The following PPP1R8 variants were observed in gnomAD, a reference collection of about 807,000 sequenced individuals.
PPP1R8 encodes nuclear inhibitor of protein phosphatase 1.
PPP1R8 carries 4 observed loss-of-function variants against 31.3 expected under a neutral mutation model. That is an observed-to-expected ratio of 0.13 (90% CI 0.06 to 0.29). The LOEUF is 0.29. Ranked by LOEUF, PPP1R8 falls within the 10% of genes least tolerant of loss-of-function variation. The pLI is 1.00. For synonymous variants in PPP1R8, 170 were observed against 169.7 expected (o/e 1.00, Z -0.01); for missense variants, 254 against 440.1 (o/e 0.58, Z 3.78).
At position 27,847,080 on chromosome 1, in the gene PPP1R8, G is replaced by A. The variant is rs1391412829; in HGVS notation, c.690G>A (p.Val230=). 2 of 1,613,942 alleles carry A rather than the reference G, an allele frequency of 1.2e-6. No homozygotes were observed. The highest frequency in any genetic ancestry group is 1.7e-6 in the Non-Finnish European group (2 of 1,179,838). ...TCAGGAACATGGTGCAAACTGCAGT[G>A]GTCCCAGTCAAGGTAGGAAGCACAT... The part of the protein sequence containing the change: ...GRFRNMVQTA[V]VPVKKKRVEG... The change falls in exon 6 of 7, where the codon GTG becomes GTA. Residue 230 remains valine (V), a synonymous_variant. Transcript: ENST00000311772.
Position 27,841,165 on chromosome 1 carries a change from G to C in PPP1R8, c.423G>C (p.Glu141Asp). ...TGCCATCGGCTGTGAAAGGAGATGA[G>C]AAGATGGGTGGAGAGGATGATGAAC... ...QTLPSAVKGD[E>D]KMGGEDDELK... is the part of the protein sequence containing the mutation. Residue 141 changes from glutamate to aspartate, a missense_variant, in exon 4 of 7, where the codon GAG becomes GAC. By Grantham distance (45) the Glu-to-Asp change is conservative. Transcript: ENST00000311772. The C allele has an allele frequency of 6.2e-7, 1 of 1,614,232 alleles. No individual in the cohort carries two copies. Among genetic ancestry groups the C allele is most frequent in the East Asian group, 2.2e-5 (1 of 44,884 alleles).
In PPP1R8 at chr1:27,850,756, G is replaced by C. The variant is rs1189681366; in HGVS notation, c.*310G>C. 1 of 263,898 alleles carries C rather than the reference G, an allele frequency of 3.8e-6. No homozygotes were observed. The highest frequency in any genetic ancestry group is 7.2e-6 in the Non-Finnish European group (1 of 137,966). The allele number at this position is 263,898 out of a possible 1,614,324, so 16.3% of individuals were successfully genotyped here. A position where few individuals can be genotyped will look rare whatever the true frequency, so the allele number is the denominator to read the frequency against. On this transcript the variant is annotated 3_prime_UTR_variant, in exon 7 of 7. Transcript: ENST00000311772. ...CTTTCTAGGATCATTTTTATGTAAA[G>C]TCACATATCCCAGGCCCTCAGGTTG...
chr1:27,839,779 C>T (rs2089205234), intron 3 of PPP1R8, among the ~76,000 whole-genome samples: 2 of 152,082 alleles, frequency 1.3e-5, no homozygotes, highest in African/African-American at 2.4e-5. Flanking sequence ...ATAAGCAAGG[C>T]CAGGCATGGT....
At chr1:27,844,871 C>A (rs1254047272) in intron 5 of PPP1R8, among the ~76,000 whole-genome samples, 1 of 141,126 alleles carries the variant, frequency 7.1e-6, no homozygotes, top group East Asian at 2.1e-4. Flanking sequence ...GCGCCCGCCA[C>A]CATGCCCGAC....
chr1:27,850,182 CGGGGGCCTG>C lies in PPP1R8; in HGVS notation c.793_801del (p.Gly265_Leu267del). ...ACTTTGCCTTCAGCGGAGGACTCTA[CGGGGGCCTG>C]CCCCCCACACACAGTGAAGCAGGCT... On this transcript the variant is annotated inframe_deletion, in exon 7 of 7. Transcript: ENST00000311772. 1 of 1,614,130 alleles carries C rather than the reference CGGGGGCCTG, an allele frequency of 6.2e-7. No individual in the cohort carries two copies. Among genetic ancestry groups the C allele is most frequent in the Non-Finnish European group, 8.5e-7 (1 of 1,180,002 alleles).
rs1402783026 is a variant in PPP1R8 at position 27,847,105 on chromosome 1, T to A, written c.702+13T>A. On this transcript the variant is annotated intron_variant, in intron 6 of 6. Coordinates refer to ENST00000311772, the MANE Select transcript of PPP1R8 (RefSeq NM_014110.5). ...GGTCCCAGTCAAGGTAGGAAGCACATGAAATGCCATACAGTCTGTGTTTTA... is the reference window on the plus strand; with the variant it reads ...GGTCCCAGTCAAGGTAGGAAGCACAAGAAATGCCATACAGTCTGTGTTTTA... 6.2e-7 allele frequency: 1 copy of A among 1,611,668 alleles called. No homozygotes were observed. The highest frequency in any genetic ancestry group is 8.5e-7 in the Non-Finnish European group (1 of 1,178,020).
chr1:27,850,478 G>GGTGTTT lies in PPP1R8; in HGVS notation c.*32_*33insGTGTTT. The GGTGTTT allele has an allele frequency of 1.5e-6, 2 of 1,338,798 alleles. No homozygotes were observed. The highest frequency in any genetic ancestry group is 4.7e-5 in the East Asian group (2 of 42,184). The allele number at this position is 1,338,798 out of a possible 1,614,324, so 82.9% of individuals were successfully genotyped here. A position where few individuals can be genotyped will look rare whatever the true frequency, so the allele number is the denominator to read the frequency against. On this transcript the variant is annotated 3_prime_UTR_variant, in exon 7 of 7. Coordinates refer to ENST00000311772, the MANE Select transcript of PPP1R8 (RefSeq NM_014110.5). ...TGGTCATGGAGAAGGGTGGGATTGG[G>GGTGTTT]TGGGAATGGGGTGGAAGGGTGATGG...
Position 27,845,336 on chromosome 1 carries a change from G to A in PPP1R8, c.638-1692G>A, listed in dbSNP as rs184953275. Reference sequence around the variant, plus strand: ...ACCCAGGAGGCGGAGCTTGCAGTGAGCCGAGATGGTGCCACTGCACTCCAG... The same window carrying A: ...ACCCAGGAGGCGGAGCTTGCAGTGAACCGAGATGGTGCCACTGCACTCCAG... On this transcript the variant is annotated intron_variant, in intron 5 of 6. Transcript: ENST00000311772. Among the ~76,000 whole-genome samples the A allele has an allele frequency of 6.0e-3, 910 of 150,716 alleles. 19 individuals are homozygous for A. Among genetic ancestry groups the A allele is most frequent in the African/African-American group, 0.021 (861 of 40,932 alleles).
Position 27,843,221 on chromosome 1 carries a change from G to C in PPP1R8, c.528G>C (p.Arg176=). ...LTEFNTAHNK[R]ISTLTIEEGN... is the part of the protein sequence containing the mutation. Reference sequence around the variant, plus strand: ...AGTTCAACACTGCCCACAACAAGCGGATTTCTACCCTTACCATTGAGGAGG... The same window carrying C: ...AGTTCAACACTGCCCACAACAAGCGCATTTCTACCCTTACCATTGAGGAGG... The change falls in exon 5 of 7, where the codon CGG becomes CGC. Residue 176 remains arginine (R), a synonymous_variant. Transcript: ENST00000311772. 6.2e-7 allele frequency: 1 copy of C among 1,614,100 alleles called. No individual in the cohort carries two copies. Among genetic ancestry groups the C allele is most frequent in the Non-Finnish European group, 8.5e-7 (1 of 1,180,030 alleles).
chr1:27,838,462 C>T (rs2089192341), intron 2 of PPP1R8, among the ~76,000 whole-genome samples: 1 of 152,134 alleles, frequency 6.6e-6, no homozygotes, highest in African/African-American at 2.4e-5. Context: ...ACCATCCATT[C>T]TCCAAAAAAT....
At chr1:27,831,253 C>T (rs961573310) in intron 1 of PPP1R8, 3 of 1,020,028 alleles carry the variant, frequency 2.9e-6, no homozygotes, top group African/African-American at 3.4e-5. Flanking sequence ...TCCTGTACGT[C>T]CCGAGCGCGC....
At position 27,851,148 on chromosome 1, in the gene PPP1R8, TTTCTTATTTA is replaced by T; in HGVS notation, c.*703_*712del. Reference sequence around the variant, plus strand: ...AACCTGAGCACTCCTCCTGCTGAAGTTTCTTATTTAATTCCAGAGTACTGTCCTCTACTCT... The same window carrying T: ...AACCTGAGCACTCCTCCTGCTGAAGTATTCCAGAGTACTGTCCTCTACTCT... On this transcript the variant is annotated 3_prime_UTR_variant, in exon 7 of 7. Transcript: ENST00000311772. 1 of 160,204 alleles carries T rather than the reference TTTCTTATTTA, an allele frequency of 6.2e-6. No individual in the cohort carries two copies. The highest frequency in any genetic ancestry group is 1.8e-4 in the East Asian group (1 of 5,708). The allele number at this position is 160,204 out of a possible 1,614,324, so 9.9% of individuals were successfully genotyped here.
At chr1:27,832,053 G>A (rs2089115131) in intron 1 of PPP1R8, among the ~76,000 whole-genome samples, 1 of 152,200 alleles carries the variant, frequency 6.6e-6, no homozygotes, top group Non-Finnish European at 1.5e-5. Flanking sequence ...AGCAAACATA[G>A]TTAGAAAGCA....
chr1:27,830,917 G>A (rs2089094975), intron 1 of PPP1R8, 26 bp downstream of exon 1: 3 of 1,547,204 alleles, frequency 1.9e-6, no homozygotes, highest in Non-Finnish European at 2.6e-6. Flanking sequence ...GCCAGGGCTA[G>A]AGTGGCCCGG....
intron 5 of PPP1R8, 128 bp from the exon 6 acceptor site, chr1:27,846,900 C>A: frequency 1.3e-6 from 1 of 766,476 alleles, no homozygotes. Flanking sequence ...GCCCAGCACC[C>A]AGGAAGCACT....
At chr1:27,838,007 C>T (rs896784430) in intron 2 of PPP1R8, among the ~76,000 whole-genome samples, 3 of 151,630 alleles carry the variant, frequency 2.0e-5, no homozygotes, top group South Asian at 2.1e-4. Flanking sequence ...GTCGGGAGTT[C>T]GAGACCAGCC....
intron 2 of PPP1R8, among the ~76,000 whole-genome samples, chr1:27,837,693 T>C (rs2089182968): frequency 6.7e-6 from 1 of 149,502 alleles, no homozygotes; most frequent in South Asian, 2.1e-4. Flanking sequence ...GAGAATCTCT[T>C]GAACCCGGGA....
intron 6 of PPP1R8, 132 bp from the exon 7 acceptor site, chr1:27,849,961 A>G (rs1408835107): frequency 1.3e-6 from 1 of 763,900 alleles, no homozygotes; most frequent in Non-Finnish European, 2.1e-6. Context: ...GGAAAGGAGA[A>G]CAGGCTAGAA....
intron 3 of PPP1R8, among the ~76,000 whole-genome samples, chr1:27,839,265 C>T (rs1245238177): frequency 6.6e-6 from 1 of 152,176 alleles, no homozygotes; most frequent in Non-Finnish European, 1.5e-5. Flanking sequence ...CAGTGGCTCA[C>T]TCCTGTAATC....
Sources: gnomAD v4.1 joint callset for allele counts (sites outside exome capture counted in the v4.1 genomes callset) on GRCh38, gnomAD v4.1.1 for gene constraint, MANE v1.5 for transcripts, NCBI Gene and HGNC (gene_info 2026-07-23, HGNC 2026-07-21) for gene names.